Variants in PTPN14 observed in about 807,000 individuals in gnomAD.
PTPN14 encodes the protein tyrosine-protein phosphatase non-receptor type 14.
Under a neutral mutation model 126.8 loss-of-function variants are expected in PTPN14, and 53 were observed. That is an observed-to-expected ratio of 0.42 (90% confidence interval 0.34 to 0.53). PTPN14 has a LOEUF of 0.53. Ranked by LOEUF, PTPN14 falls within the 20% of genes least tolerant of loss-of-function variation. The pLI is 0.08. For missense variants in PTPN14, 1,257 were observed against 1,552.9 expected, an observed-to-expected ratio of 0.81 and a Z score of 3.20; for synonymous variants, 630 against 599.3, an observed-to-expected ratio of 1.05 and a Z score of -0.75.
chr1:214,539,228 T>C (rs368980225), intron 1 of PTPN14, among the ~76,000 whole-genome samples: 160 of 152,310 alleles, frequency 1.1e-3, no homozygotes, highest in South Asian at 8.7e-3. Context: ...AGGTATTCCA[T>C]TTACTATTAG....
chr1:214,518,703 C>T (rs1022877998), intron 1 of PTPN14, among the ~76,000 whole-genome samples: 3 of 152,102 alleles, frequency 2.0e-5, no homozygotes, highest in African/African-American at 7.2e-5. Context: ...GGTACAGTTA[C>T]CCTATTATTT....
intron 17 of PTPN14, among the ~76,000 whole-genome samples, chr1:214,365,165 C>T (rs1227782416): frequency 6.6e-6 from 1 of 152,172 alleles, no homozygotes; most frequent in Non-Finnish European, 1.5e-5. Flanking sequence ...TGAATGTCAA[C>T]TGAGGCTTGA....
Position 214,414,723 on chromosome 1 carries a change from A to AT in PTPN14, c.347dup (p.Tyr116Ter). 1 of 1,610,480 alleles carries AT rather than the reference A, an allele frequency of 6.2e-7. No individual in the cohort carries two copies. Among genetic ancestry groups the AT allele is most frequent in the Non-Finnish European group, 8.5e-7 (1 of 1,176,692 alleles). ...CTTTTTTGACTTGCAGGTAATACTG[A>AT]TATCTGTTCATGGGAATAGAGGAAC... is the stretch of plus-strand genomic sequence containing the variant. ...VSWLQQEATR[Y>*]QYYLQVKKDV... The change falls in exon 4 of 19, where the codon TAT (tyrosine) becomes TAAT (stop). Residue 116 changes from tyrosine to a stop codon, truncating the protein, a stop_gained and frameshift_variant. Coordinates refer to ENST00000366956, the MANE Select transcript of PTPN14 (RefSeq NM_005401.5). LOFTEE classifies it high-confidence loss of function.
chr1:214,371,336 T>C (rs1658213387), intron 16 of PTPN14, among the ~76,000 whole-genome samples: 1 of 152,214 alleles, frequency 6.6e-6, no homozygotes, highest in Non-Finnish European at 1.5e-5. Context: ...GTGTGCAACA[T>C]GATACAGAGC....
chr1:214,400,561 C>T (rs1364813642), intron 7 of PTPN14, among the ~76,000 whole-genome samples: 1 of 152,198 alleles, frequency 6.6e-6, no homozygotes, highest in Non-Finnish European at 1.5e-5. Flanking sequence ...AAAAACAACA[C>T]AAGCAAATTG....
chr1:214,406,097 C>T (rs193071001), intron 5 of PTPN14, among the ~76,000 whole-genome samples: 2 of 152,300 alleles, frequency 1.3e-5, no homozygotes, highest in African/African-American at 2.4e-5. Context: ...CTTCAGCATC[C>T]CACAGGACTT....
intron 9 of PTPN14, 63 bp downstream of exon 9, chr1:214,394,836 G>C (rs1167175194): frequency 2.1e-5 from 28 of 1,365,822 alleles, no homozygotes; most frequent in Non-Finnish European, 2.8e-5. Flanking sequence ...AAGGACATTA[G>C]GAGTTGAAAA....
In PTPN14 at chr1:214,485,049, A is replaced by G. The variant is rs985389644; in HGVS notation, c.-154-20092T>C. Among the ~76,000 whole-genome samples the G allele has an allele frequency of 3.3e-5, 5 of 152,370 alleles. No homozygotes were observed. The East Asian group carries it at 9.6e-4, about 29-fold the overall frequency. On this transcript the variant is annotated intron_variant, in intron 1 of 18. Transcript: ENST00000366956. Reference sequence around the variant, plus strand: ...ATCTCAACACCACACTTGTCTTAGCAGTAAACAATAATCACTTATTCATAT... The same window carrying G: ...ATCTCAACACCACACTTGTCTTAGCGGTAAACAATAATCACTTATTCATAT...
chr1:214,452,636 A>G (rs966261088), intron 2 of PTPN14, among the ~76,000 whole-genome samples: 9 of 152,212 alleles, frequency 5.9e-5, no homozygotes, highest in Admixed American at 2.0e-4. Context: ...TTGGCAGATT[A>G]TGGTGGGATT....
chr1:214,452,113 T>G, intron 2 of PTPN14, 139 bp from the exon 3 acceptor site: 2 of 907,148 alleles, frequency 2.2e-6, no homozygotes, highest in South Asian at 3.5e-5. Flanking sequence ...GACATATAAC[T>G]TTGGGACTAA....
chr1:214,414,609 T>C lies in PTPN14; in HGVS notation c.442+20A>G. The C allele has an allele frequency of 6.3e-7, 1 of 1,593,646 alleles. No individual in the cohort carries two copies. Among genetic ancestry groups the C allele is most frequent in the Non-Finnish European group, 8.6e-7 (1 of 1,161,814 alleles). On this transcript the variant is annotated intron_variant, in intron 4 of 18. Transcript: ENST00000366956. ...AAACAGAAAATGGAATTTCACATGC[T>C]GCTCATAACTATGTCTTACCTTGCA...
At chr1:214,421,350 T>C (rs954178206) in intron 3 of PTPN14, among the ~76,000 whole-genome samples, 7 of 152,122 alleles carry the variant, frequency 4.6e-5, no homozygotes, top group Non-Finnish European at 1.0e-4. Flanking sequence ...AATAGGCAAA[T>C]TCATAGAGAC....
intron 14 of PTPN14, among the ~76,000 whole-genome samples, chr1:214,377,615 A>C (rs1211378665): frequency 6.6e-6 from 1 of 152,170 alleles, no homozygotes; most frequent in African/African-American, 2.4e-5. Flanking sequence ...AAAATCACAG[A>C]AATTCAGAGC....
chr1:214,430,246 C>A (rs1659769278), intron 3 of PTPN14, among the ~76,000 whole-genome samples: 1 of 152,144 alleles, frequency 6.6e-6, no homozygotes, highest in Admixed American at 6.5e-5. Flanking sequence ...ATGGGAGCTA[C>A]CGCTTTAGGT....
intron 2 of PTPN14, among the ~76,000 whole-genome samples, chr1:214,456,816 C>A (rs1226165481): frequency 1.3e-5 from 2 of 152,200 alleles, no homozygotes; most frequent in Non-Finnish European, 2.9e-5. Flanking sequence ...ATGTTTCACA[C>A]TGTCATTTTT....
At chr1:214,422,066 AGAAGAAAGGAG>A (rs1448454411) in intron 3 of PTPN14, among the ~76,000 whole-genome samples, 1 of 152,212 alleles carries the variant, frequency 6.6e-6, no homozygotes, top group Non-Finnish European at 1.5e-5. Flanking sequence ...AGACAAAGAC[AGAAGAAAGGAG>A]GGAGAAAGGG....
chr1:214,414,352 A>G (rs1054923196), intron 4 of PTPN14, among the ~76,000 whole-genome samples: 1 of 152,220 alleles, frequency 6.6e-6, no homozygotes, highest in Non-Finnish European at 1.5e-5. Context: ...AAACCCTGAA[A>G]TGTAGCCTTA....
Position 214,482,579 on chromosome 1 carries a change from G to GA in PTPN14, c.-154-17623dup, listed in dbSNP as rs56404750. On this transcript the variant is annotated intron_variant, in intron 1 of 18. Transcript: ENST00000366956. ...GGGCACCCGAATGCAGTTTAGAAAA[G>GA]AAAAAAAAAAAATCACATAGAAACT... Among the ~76,000 whole-genome samples the GA allele has an allele frequency of 3.5e-3, 531 of 149,796 alleles. 1 individual carries two copies. The highest frequency in any genetic ancestry group is 0.012 in the African/African-American group (488 of 40,768).
At chr1:214,534,088 C>G (rs1360546236) in intron 1 of PTPN14, among the ~76,000 whole-genome samples, 1 of 151,984 alleles carries the variant, frequency 6.6e-6, no homozygotes, top group Non-Finnish European at 1.5e-5. Flanking sequence ...AAATGGTAAG[C>G]AATTATGAAA....
Sources: gnomAD v4.1 joint callset for allele counts (sites outside exome capture counted in the v4.1 genomes callset) on GRCh38, gnomAD v4.1.1 for gene constraint, MANE v1.5 for transcripts, NCBI Gene and HGNC (gene_info 2026-07-23, HGNC 2026-07-21) for gene names.